GTF2IRD1: variants seen among roughly 807,000 people sequenced by gnomAD.
GTF2IRD1 encodes general transcription factor II-I repeat domain-containing protein 1.
Under a neutral mutation model 113.2 loss-of-function variants are expected in GTF2IRD1, and 26 were observed. The observed-to-expected ratio is 0.23, with a 90% CI of 0.17 to 0.32. GTF2IRD1 has a LOEUF of 0.32. Ranked by LOEUF, GTF2IRD1 falls within the 10% of genes least tolerant of loss-of-function variation. The pLI, the probability that GTF2IRD1 is intolerant of heterozygous loss-of-function variation, is 1.00. For synonymous variants in GTF2IRD1, 484 were observed against 529.1 expected, an observed-to-expected ratio of 0.91 and a Z score of 1.17; for missense variants, 864 against 1,280.8, an observed-to-expected ratio of 0.67 and a Z score of 4.97.
chr7:74,462,632 C>T (rs1562767555), intron 1 of GTF2IRD1, among the ~76,000 whole-genome samples: 13 of 152,314 alleles, frequency 8.5e-5, no homozygotes. Context: ...CGGGACCCCC[C>T]AGAAGAAGGT....
At chr7:74,528,976 T>G (rs1009636421) in intron 8 of GTF2IRD1, among the ~76,000 whole-genome samples, 1 of 145,652 alleles carries the variant, frequency 6.9e-6, no homozygotes, top group Non-Finnish European at 1.5e-5. Context: ...GATGGATGGA[T>G]GGATGGATGG....
chr7:74,574,017 C>G (rs1554363588), intron 22 of GTF2IRD1, among the ~76,000 whole-genome samples: 1 of 152,150 alleles, frequency 6.6e-6, no homozygotes, highest in Non-Finnish European at 1.5e-5. Context: ...GAGTTGCGCT[C>G]TTATTGCCCA....
chr7:74,515,056 C>CAAAA (rs782246030), intron 3 of GTF2IRD1, among the ~76,000 whole-genome samples: 29 of 66,770 alleles, frequency 4.3e-4, no homozygotes, highest in South Asian at 6.2e-4. Flanking sequence ...GACTCTGTCT[C>CAAAA]AAAAAAAAAA....
intron 1 of GTF2IRD1, among the ~76,000 whole-genome samples, chr7:74,468,762 C>G (rs1554331608): frequency 2.9e-5 from 4 of 139,518 alleles, no homozygotes. Context: ...GACAGTTAAA[C>G]AAAAAGGAGT....
Position 74,469,476 on chromosome 7 carries a change from A to G in GTF2IRD1, c.-7+15300A>G, listed in dbSNP as rs139880369. 8.1e-3 allele frequency among the ~76,000 whole-genome samples: 1,223 copies of G among 151,794 alleles called. 43 individuals carry two copies. The highest frequency in any genetic ancestry group is 0.069 in the Admixed American group (1,056 of 15,218). ...CCTGGCAACCACTAATTTACTTTCC[A>G]TCTCTGTAGATTTGCCTATTCTGGG... On this transcript the variant is annotated intron_variant, in intron 1 of 26. Coordinates refer to ENST00000424337, the MANE Select transcript of GTF2IRD1 (RefSeq NM_005685.4).
chr7:74,582,572 G>A (rs1486900440), intron 22 of GTF2IRD1, among the ~76,000 whole-genome samples: 3 of 152,084 alleles, frequency 2.0e-5, no homozygotes, highest in South Asian at 2.1e-4. Flanking sequence ...AGTGCTTTTT[G>A]ATATGTGAGA....
intron 9 of GTF2IRD1, among the ~76,000 whole-genome samples, chr7:74,530,421 A>G (rs1322637615): frequency 4.0e-5 from 6 of 151,162 alleles, no homozygotes; most frequent in African/African-American, 9.7e-5. Flanking sequence ...TGTGTGGCCT[A>G]TTCCTTCTGG....
At chr7:74,565,991 T>G (rs1206439971) in intron 22 of GTF2IRD1, among the ~76,000 whole-genome samples, 1 of 133,490 alleles carries the variant, frequency 7.5e-6, no homozygotes, top group African/African-American at 3.0e-5. Flanking sequence ...AGACCCTCTC[T>G]CTAAAAGACA....
chr7:74,484,441 C>T (rs1794905548), intron 1 of GTF2IRD1, among the ~76,000 whole-genome samples: 1 of 151,144 alleles, frequency 6.6e-6, no homozygotes, highest in South Asian at 2.1e-4. Context: ...GCCACCACAC[C>T]CGGCCATCCT....
chr7:74,495,484 C>T (rs1795604569), intron 1 of GTF2IRD1, among the ~76,000 whole-genome samples: 1 of 152,242 alleles, frequency 6.6e-6, no homozygotes. Flanking sequence ...CTTCATGGCT[C>T]ATGATTCTTC....
intron 22 of GTF2IRD1, among the ~76,000 whole-genome samples, chr7:74,577,707 A>G (rs1282979181): frequency 1.3e-5 from 2 of 151,612 alleles, no homozygotes; most frequent in African/African-American, 4.9e-5. Flanking sequence ...GCAGGAGTGC[A>G]GTGGCACAGT....
chr7:74,541,496 C>T (rs1223489808), intron 14 of GTF2IRD1, among the ~76,000 whole-genome samples: 1 of 152,000 alleles, frequency 6.6e-6, no homozygotes, highest in Non-Finnish European at 1.5e-5. Flanking sequence ...TGTGGTGGTG[C>T]GTGCCTGTAG....
chr7:74,508,104 T>C lies in GTF2IRD1; in HGVS notation c.24T>C (p.Cys8=), dbSNP rs782007990. The C allele has an allele frequency of 5.3e-5, 86 of 1,609,552 alleles. No homozygotes were observed. The South Asian group carries it at 9.3e-4, about 17-fold the overall frequency. Residue 8 remains cysteine, a synonymous_variant, in exon 2 of 27, where the codon TGT becomes TGC. Transcript: ENST00000424337. MALLGKR[C]DVPTNGCGPD... ...CCATGGCCTTGCTGGGTAAGCGCTG[T>C]GACGTCCCCACCAACGGCTGCGGAC...
chr7:74,565,377 T>G (rs1800235414), intron 22 of GTF2IRD1, among the ~76,000 whole-genome samples: 1 of 151,842 alleles, frequency 6.6e-6, no homozygotes. Context: ...ATACAAAAAT[T>G]AGCCAGGCAT....
At position 74,541,911 on chromosome 7, in the gene GTF2IRD1, AATAGATAGATAG is replaced by A. The variant is rs58094935; in HGVS notation, c.1618+1963_1618+1974del. Among the ~76,000 whole-genome samples the A allele has an allele frequency of 9.3e-5, 14 of 150,034 alleles. 1 individual carries two copies. Among genetic ancestry groups the A allele is most frequent in the Admixed American group, 4.7e-4 (7 of 15,034 alleles). ...GCGAAGCTCTGCCTCAAAATAACTA[AATAGATAGATAG>A]ATAGATAGATAGATAGATAAAAATT... On this transcript the variant is annotated intron_variant, in intron 14 of 26. Coordinates refer to ENST00000424337, the MANE Select transcript of GTF2IRD1 (RefSeq NM_005685.4).
At chr7:74,514,449 C>G (rs1341893475) in intron 3 of GTF2IRD1, among the ~76,000 whole-genome samples, 1 of 152,184 alleles carries the variant, frequency 6.6e-6, no homozygotes, top group Non-Finnish European at 1.5e-5. Context: ...TCTAGAGCCA[C>G]GCAGAGCCGC....
chr7:74,456,861 G>T (rs1362686087), intron 1 of GTF2IRD1, among the ~76,000 whole-genome samples: 2 of 152,042 alleles, frequency 1.3e-5, no homozygotes, highest in Non-Finnish European at 2.9e-5. Flanking sequence ...AGGGGGTCAG[G>T]ATTATAGAAT....
chr7:74,533,772 G>T (rs1454191752), intron 9 of GTF2IRD1, among the ~76,000 whole-genome samples: 1 of 152,136 alleles, frequency 6.6e-6, no homozygotes, highest in Non-Finnish European at 1.5e-5. Flanking sequence ...AGTGGCTCTT[G>T]TCTGTAATCC....
chr7:74,555,314 C>T lies in GTF2IRD1; in HGVS notation c.1966+91C>T. The T allele has an allele frequency of 2.0e-6, 3 of 1,471,268 alleles. No individual in the cohort carries two copies. The highest frequency in any genetic ancestry group is 4.5e-5 in the East Asian group (2 of 43,984). The allele number at this position is 1,471,268 out of a possible 1,614,324, so 91.1% of individuals were successfully genotyped here. A position where few individuals can be genotyped will look rare whatever the true frequency, so the allele number is the denominator to read the frequency against. ...CAGCCCCTCCTCCTGCTGCCTCTGT[C>T]CTGCTCCCATCCTGGCCCTGGCATT... On this transcript the variant is annotated intron_variant, in intron 18 of 26. Coordinates refer to ENST00000424337, the MANE Select transcript of GTF2IRD1 (RefSeq NM_005685.4). This position sits in a 1 kb window ranked among gnomAD's most constrained non-coding sequence, Gnocchi z 5.3.
Sources: allele counts gnomAD v4.1 joint callset (sites outside exome capture counted in the v4.1 genomes callset), GRCh38; gene constraint gnomAD v4.1.1; non-coding constraint Gnocchi (gnomAD v3.1); transcripts MANE v1.5; gene names NCBI Gene and HGNC (gene_info 2026-07-23, HGNC 2026-07-21).